DNAH17: variants seen among roughly 807,000 people sequenced by gnomAD.
DNAH17 encodes dynein axonemal heavy chain 17, also known as axonemal beta dynein heavy chain 17.
DNAH17 carries 376 observed loss-of-function variants against 485.6 expected under a neutral mutation model. The observed-to-expected ratio is 0.77, with a 90% CI of 0.71 to 0.84. The LOEUF (loss-of-function observed/expected upper bound fraction) is 0.84, where lower values mean the gene tolerates loss of function less well. Among genes scored for constraint, DNAH17 ranks in the 40% least tolerant of loss-of-function variants. DNAH17 has a pLI of 0.00. For missense variants in DNAH17, 6,370 were observed against 5,839.3 expected, an observed-to-expected ratio of 1.09 and a Z score of -2.96; for synonymous variants, 3,031 against 2,405.9, an observed-to-expected ratio of 1.26 and a Z score of -7.60.
chr17:78,486,220 T>TCACC lies in DNAH17; in HGVS notation c.7101_7101+3dup, dbSNP rs1380145643. 3 of 1,587,270 alleles carry TCACC rather than the reference T, an allele frequency of 1.9e-6. No individual in the cohort carries two copies. Among genetic ancestry groups the TCACC allele is most frequent in the Non-Finnish European group, 2.6e-6 (3 of 1,164,636 alleles). ...TGGGTGGCCGGGCCCCCCAGGTGCA[T>TCACC]CACCTGGTCCTGGAACATGGCGCCA... On this transcript the variant is annotated splice_donor_region_variant and intron_variant, in intron 45 of 80. Transcript: ENST00000389840.
chr17:78,434,191 C>T lies in DNAH17; in HGVS notation c.12063G>A (p.Met4021Ile). 4 of 1,612,868 alleles carry T rather than the reference C, an allele frequency of 2.5e-6. No homozygotes were observed. Among genetic ancestry groups the T allele is most frequent in the Middle Eastern group, 1.7e-4 (1 of 6,058 alleles). Residue 4021 changes from methionine (M) to isoleucine (I), a missense_variant, in exon 75 of 81, where the codon ATG (methionine) becomes ATA (isoleucine). By Grantham distance (10) the Met-to-Ile change is conservative (BLOSUM62 1). Coordinates refer to ENST00000389840, the MANE Select transcript of DNAH17 (RefSeq NM_173628.4). ...GGGCGAAGAGCATGCACTTGAACTC[C>T]ATCTCCTTGGTGCACATCTCCAGGG... ...QDTLEMCTKE[M>I]EFKCMLFALC... is the part of the protein sequence containing the mutation.
At chr17:78,430,038 G>A (rs755197908) in intron 75 of DNAH17, among the ~76,000 whole-genome samples, 6 of 152,194 alleles carry the variant, frequency 3.9e-5, no homozygotes, top group Admixed American at 1.3e-4. Flanking sequence ...CCACCCCGCC[G>A]CCGTTCCCAC....
chr17:78,456,484 G>A (rs1326042409), intron 62 of DNAH17, among the ~76,000 whole-genome samples: 1 of 152,126 alleles, frequency 6.6e-6, no homozygotes, highest in South Asian at 2.1e-4. Context: ...ATACCACAGA[G>A]CACTGTCTCG....
intron 25 of DNAH17, among the ~76,000 whole-genome samples, chr17:78,520,656 A>G (rs542278430): frequency 1.3e-5 from 2 of 152,370 alleles, no homozygotes; most frequent in South Asian, 4.1e-4. Flanking sequence ...AAGACACATG[A>G]GGTATAAATG....
At chr17:78,464,514 G>GC in intron 56 of DNAH17, among the ~76,000 whole-genome samples, 1 of 152,286 alleles carries the variant, frequency 6.6e-6, no homozygotes, top group Admixed American at 6.5e-5. Context: ...GCCCGCTTTG[G>GC]CCCCCCAAAG....
rs1308895314 is a variant in DNAH17, at chr17:78,551,658, G to C, written c.2288-20C>G. 6.2e-7 allele frequency: 1 copy of C among 1,611,536 alleles called. No homozygotes were observed. Among genetic ancestry groups the C allele is most frequent in the Non-Finnish European group, 8.5e-7 (1 of 1,177,800 alleles). ...ACACACCTAAAATGGAAATGTAGAG[G>C]AATCTTACAAAATGAACAATTCAGG... On this transcript the variant is annotated intron_variant, in intron 15 of 80. Coordinates refer to ENST00000389840, the MANE Select transcript of DNAH17 (RefSeq NM_173628.4).
At chr17:78,468,151 GAAAATTGTT>G (rs2088571419) in intron 55 of DNAH17, among the ~76,000 whole-genome samples, 3 of 120,710 alleles carry the variant, frequency 2.5e-5, no homozygotes, top group Non-Finnish European at 5.6e-5. Context: ...ACCATGGACT[GAAAATTGTT>G]AAAAAAAAAT....
intron 79 of DNAH17, among the ~76,000 whole-genome samples, chr17:78,425,891 G>A (rs1262611010): frequency 6.6e-6 from 1 of 151,708 alleles, no homozygotes; most frequent in Non-Finnish European, 1.5e-5. Context: ...TCAGCTTCCA[G>A]AGTAGCTGGG....
chr17:78,486,809 C>T (rs1368349504), intron 44 of DNAH17, among the ~76,000 whole-genome samples: 1 of 152,030 alleles, frequency 6.6e-6, no homozygotes, highest in East Asian at 1.9e-4. Flanking sequence ...GAAGCACATA[C>T]CAAGGGCTGG....
chr17:78,456,411 T>C (rs932597470), intron 62 of DNAH17, among the ~76,000 whole-genome samples: 11 of 152,334 alleles, frequency 7.2e-5, no homozygotes, highest in Admixed American at 3.9e-4. Context: ...GTTGCCCACA[T>C]TGACACCCGG....
rs772746900 is a variant in DNAH17, at chr17:78,552,825, G to C, written c.2179-20C>G. 1 of 1,562,840 alleles carries C rather than the reference G, an allele frequency of 6.4e-7. No homozygotes were observed. Among genetic ancestry groups the C allele is most frequent in the Non-Finnish European group, 8.8e-7 (1 of 1,133,588 alleles). Reference sequence around the variant, plus strand: ...CTTTATCTGAAAAACAGAGGTGACAGGTTTTGTTCCGAGTCCAACCAGATT... The same window carrying C: ...CTTTATCTGAAAAACAGAGGTGACACGTTTTGTTCCGAGTCCAACCAGATT... On this transcript the variant is annotated intron_variant, in intron 14 of 80. Coordinates refer to ENST00000389840, the MANE Select transcript of DNAH17 (RefSeq NM_173628.4).
Position 78,566,488 on chromosome 17 carries a change from GC to G in DNAH17, c.1569+125del. 6 of 701,504 alleles carry G rather than the reference GC, an allele frequency of 8.6e-6. No individual in the cohort carries two copies. The South Asian group carries it at 1.1e-4, about 13-fold the overall frequency. The allele number at this position is 701,504 out of a possible 1,614,324, so 43.5% of individuals were successfully genotyped here. A position where few individuals can be genotyped will look rare whatever the true frequency, so the allele number is the denominator to read the frequency against. ...ACTGACTCTGAGGCACAGGAGACGG[GC>G]CCTCCCTCCCTGGACATCAGCTCTA... On this transcript the variant is annotated intron_variant, in intron 11 of 80. Transcript: ENST00000389840.
intron 25 of DNAH17, among the ~76,000 whole-genome samples, chr17:78,523,723 C>A (rs2090992517): frequency 6.6e-6 from 1 of 152,010 alleles, no homozygotes; most frequent in African/African-American, 2.4e-5. Context: ...CTGGGCAACA[C>A]AGCAAGATTC....
intron 15 of DNAH17, among the ~76,000 whole-genome samples, chr17:78,552,479 T>C (rs1390748539): frequency 6.6e-6 from 1 of 151,230 alleles, no homozygotes; most frequent in East Asian, 1.9e-4. Context: ...AGGGAGTCTT[T>C]GCCGGATTCC....
intron 14 of DNAH17, among the ~76,000 whole-genome samples, chr17:78,553,012 G>C (rs1247220940): frequency 3.9e-5 from 6 of 152,132 alleles, no homozygotes; most frequent in African/African-American, 1.2e-4. Context: ...CTCATGAATG[G>C]TGTAGCATCA....
At chr17:78,439,341 G>A (rs2086979201) in intron 72 of DNAH17, 124 bp from the exon 73 acceptor site, 2 of 1,161,892 alleles carry the variant, frequency 1.7e-6, no homozygotes, top group African/African-American at 1.6e-5. Context: ...AAATACACAT[G>A]ACATAAAACT....
chr17:78,457,648 C>T (rs953096877), intron 62 of DNAH17, among the ~76,000 whole-genome samples: 7 of 145,594 alleles, frequency 4.8e-5, no homozygotes, highest in South Asian at 2.2e-4. Flanking sequence ...TGCGCACAGC[C>T]GTGCCTGGCT....
intron 74 of DNAH17, among the ~76,000 whole-genome samples, chr17:78,435,204 C>G (rs59041641): frequency 0.24 from 36,802 of 152,040 alleles, 4,672 homozygotes; most frequent in Middle Eastern, 0.35. Context: ...CAGAGTGACA[C>G]CAGCCAATGG....
chr17:78,574,831 C>A lies in DNAH17; in HGVS notation c.227G>T (p.Gly76Val). The change falls in exon 2 of 81, where the codon GGG becomes GTG. Residue 76 changes from glycine to valine, a missense_variant. Coordinates refer to ENST00000389840, the MANE Select transcript of DNAH17 (RefSeq NM_173628.4). ...LGFPQSLKSKGVYFIKTKSEN... is the reference protein window; with the variant it reads ...LGFPQSLKSKVVYFIKTKSEN... ...GGACTTTGTCTTGATGAAGTAAACCCCTTTGGACTTGAGGGACTGGGGGAA... is the reference window on the plus strand; with the variant it reads ...GGACTTTGTCTTGATGAAGTAAACCACTTTGGACTTGAGGGACTGGGGGAA... 1 of 1,613,974 alleles carries A rather than the reference C, an allele frequency of 6.2e-7. No homozygotes were observed. Among genetic ancestry groups the A allele is most frequent in the Non-Finnish European group, 8.5e-7 (1 of 1,179,884 alleles).
Sources: allele counts gnomAD v4.1 joint callset (sites outside exome capture counted in the v4.1 genomes callset), GRCh38; gene constraint gnomAD v4.1.1; transcripts MANE v1.5; gene names NCBI Gene and HGNC (gene_info 2026-07-23, HGNC 2026-07-21).